The following GRID1 variants were observed in gnomAD, a reference collection of about 807,000 sequenced individuals.
GRID1 encodes the protein glutamate receptor ionotropic, delta-1.
A neutral mutation model predicts 98.0 loss-of-function variants in GRID1; 28 were observed. That is an observed-to-expected ratio of 0.29 (90% CI 0.21 to 0.39). The LOEUF (loss-of-function observed/expected upper bound fraction) is 0.39. Among genes scored for constraint, GRID1 ranks in the 10% least tolerant of loss-of-function variants. GRID1 has a pLI of 1.00. For synonymous variants in GRID1, 553 were observed against 538.5 expected (o/e 1.03, Z -0.37); for missense variants, 1,111 against 1,340.5 (o/e 0.83, Z 2.67).
chr10:86,106,245 CCAA>C, intron 4 of GRID1, among the ~76,000 whole-genome samples: 1 of 152,182 alleles, frequency 6.6e-6, no homozygotes, highest in Non-Finnish European at 1.5e-5. Context: ...GTCACAATGT[CCAA>C]CAACAGGAAA....
intron 4 of GRID1, among the ~76,000 whole-genome samples, chr10:86,049,430 A>C (rs1361342446): frequency 6.6e-6 from 1 of 152,220 alleles, no homozygotes; most frequent in Admixed American, 6.5e-5. Flanking sequence ...CTGAATAAGA[A>C]TAACTGGTGG....
intron 4 of GRID1, among the ~76,000 whole-genome samples, chr10:86,114,847 C>T (rs553572688): frequency 6.6e-6 from 1 of 152,332 alleles, no homozygotes; most frequent in East Asian, 1.9e-4. Flanking sequence ...CAGTCTCCTC[C>T]AGGGCATGGC....
intron 4 of GRID1, among the ~76,000 whole-genome samples, chr10:86,039,013 A>G (rs572731936): frequency 6.6e-6 from 1 of 152,168 alleles, no homozygotes; most frequent in African/African-American, 2.4e-5. Flanking sequence ...ATCCACCCCT[A>G]TTCTCTTCCA....
At chr10:85,670,249 C>T (rs1180000335) in intron 12 of GRID1, among the ~76,000 whole-genome samples, 1 of 152,170 alleles carries the variant, frequency 6.6e-6, no homozygotes, top group Non-Finnish European at 1.5e-5. Context: ...AACAGAGCTA[C>T]TAGGAATCCA....
chr10:86,058,900 A>T (rs1843611656), intron 4 of GRID1, among the ~76,000 whole-genome samples: 1 of 152,214 alleles, frequency 6.6e-6, no homozygotes, highest in South Asian at 2.1e-4. Flanking sequence ...ACCCAAATGC[A>T]TGCTAAACTG....
chr10:86,322,786 G>A (rs1042954004), intron 2 of GRID1, among the ~76,000 whole-genome samples: 22 of 150,722 alleles, frequency 1.5e-4, no homozygotes, highest in African/African-American at 5.1e-4. Context: ...GCACAGAGTG[G>A]TGAAATTTCA....
At chr10:86,359,017 C>T (rs1318493920) in intron 2 of GRID1, among the ~76,000 whole-genome samples, 1 of 152,144 alleles carries the variant, frequency 6.6e-6, no homozygotes, top group Non-Finnish European at 1.5e-5. Flanking sequence ...AATCTTTCCT[C>T]CAGCCTCCAG....
At chr10:86,050,263 C>T (rs1349865414) in intron 4 of GRID1, among the ~76,000 whole-genome samples, 3 of 152,180 alleles carry the variant, frequency 2.0e-5, no homozygotes, top group Non-Finnish European at 4.4e-5. Flanking sequence ...ATTGGCAAAA[C>T]CTACTTGGAA....
At chr10:86,166,335 A>G (rs1198476822) in intron 3 of GRID1, among the ~76,000 whole-genome samples, 1 of 152,212 alleles carries the variant, frequency 6.6e-6, no homozygotes, top group Non-Finnish European at 1.5e-5. Context: ...TCTACAAAGA[A>G]CTTGAACAAA....
At chr10:85,943,611 T>A (rs1842020836) in intron 4 of GRID1, among the ~76,000 whole-genome samples, 1 of 152,190 alleles carries the variant, frequency 6.6e-6, no homozygotes, top group Non-Finnish European at 1.5e-5. Context: ...AAATCACAGC[T>A]GGCCCTGCAG....
chr10:86,357,953 AG>A (rs757121783), intron 2 of GRID1, among the ~76,000 whole-genome samples: 3 of 152,138 alleles, frequency 2.0e-5, no homozygotes, highest in Non-Finnish European at 2.9e-5. Flanking sequence ...CTAGACGGTG[AG>A]GTTCTGAAGA....
intron 4 of GRID1, among the ~76,000 whole-genome samples, chr10:86,034,246 A>ATG (rs1491220750): frequency 5.3e-5 from 8 of 152,030 alleles, no homozygotes; most frequent in Non-Finnish European, 8.8e-5. Flanking sequence ...GTTAAATTCC[A>ATG]TGTGTGTGTG....
intron 2 of GRID1, among the ~76,000 whole-genome samples, chr10:86,346,711 C>T (rs1212084598): frequency 6.6e-6 from 1 of 152,196 alleles, no homozygotes; most frequent in Non-Finnish European, 1.5e-5. Context: ...AGGCATTGGC[C>T]CCACTAGGCA....
intron 2 of GRID1, among the ~76,000 whole-genome samples, chr10:86,344,922 C>G (rs1464063185): frequency 1.3e-5 from 2 of 152,230 alleles, no homozygotes; most frequent in Non-Finnish European, 2.9e-5. Flanking sequence ...GCACCGGGTC[C>G]CTCTGACCAG....
intron 12 of GRID1, among the ~76,000 whole-genome samples, chr10:85,688,965 A>G (rs903857586): frequency 6.6e-6 from 1 of 152,080 alleles, no homozygotes; most frequent in African/African-American, 2.4e-5. Context: ...TAAGTGGCTG[A>G]TTATTTTCAG....
intron 4 of GRID1, among the ~76,000 whole-genome samples, chr10:85,988,317 C>T (rs1221995080): frequency 6.6e-6 from 1 of 152,220 alleles, no homozygotes; most frequent in Non-Finnish European, 1.5e-5. Context: ...CTACCCTTCA[C>T]ACAGAGTCTG....
chr10:85,734,078 G>A (rs1841853287), intron 8 of GRID1, among the ~76,000 whole-genome samples: 1 of 152,194 alleles, frequency 6.6e-6, no homozygotes, highest in African/African-American at 2.4e-5. Flanking sequence ...CTGTCAGTAT[G>A]TCAAGGCCAA....
intron 3 of GRID1, among the ~76,000 whole-genome samples, chr10:86,176,122 C>T (rs1271255078): frequency 1.3e-5 from 2 of 152,226 alleles, no homozygotes; most frequent in Non-Finnish European, 2.9e-5. Context: ...GCATTACAGG[C>T]GTCAGCTGCT....
chr10:85,927,688 C>T (rs971057394), intron 4 of GRID1, among the ~76,000 whole-genome samples: 10 of 152,072 alleles, frequency 6.6e-5, no homozygotes, highest in Non-Finnish European at 1.2e-4. Flanking sequence ...TTTCTTTGTT[C>T]GAGAAACACA....
Sources: gnomAD v4.1 joint callset for allele counts (sites outside exome capture counted in the v4.1 genomes callset) on GRCh38, gnomAD v4.1.1 for gene constraint, MANE v1.5 for transcripts, NCBI Gene and HGNC (gene_info 2026-07-23, HGNC 2026-07-21) for gene names.